The following LIN54 variants were observed in gnomAD, a reference collection of about 807,000 sequenced individuals.
LIN54 encodes lin-54 DREAM MuvB core complex component.
A neutral mutation model predicts 78.7 loss-of-function variants in LIN54; 9 were observed. The ratio of observed to expected loss-of-function variants is 0.11; its 90% confidence interval spans 0.07 to 0.20. LIN54 has a LOEUF of 0.20. LIN54 is among the 10% of genes least tolerant of loss of function. The pLI, the probability that LIN54 is intolerant of heterozygous loss-of-function variation, is 1.00. For synonymous variants in LIN54, 269 were observed against 318.4 expected, an observed-to-expected ratio of 0.84 and a Z score of 1.65; for missense variants, 573 against 889.9, an observed-to-expected ratio of 0.64 and a Z score of 4.53.
chr4:82,996,323 C>T (rs1363390400), intron 1 of LIN54, among the ~76,000 whole-genome samples: 1 of 152,028 alleles, frequency 6.6e-6, no homozygotes, highest in Admixed American at 6.6e-5. Context: ...TTTAGTTCAC[C>T]TCATCTGTAG....
At chr4:82,985,014 C>T (rs13146746) in intron 1 of LIN54, 138 bp from the exon 2 acceptor site, 120,972 of 623,346 alleles carry the variant, frequency 0.19, 12,559 homozygotes, top group South Asian at 0.31. Flanking sequence ...TGAAGCTTAT[C>T]TGGGTTAAAT....
chr4:82,993,777 C>T lies in LIN54; in HGVS notation c.-32-8901G>A, dbSNP rs1727954545. ...GGATTAGAGGCGCATGCCACCATGC[C>T]GGCTACTTTTGTATTTTTAGCAGAG... is the stretch of plus-strand genomic sequence containing the variant. On this transcript the variant is annotated intron_variant, in intron 1 of 12. Coordinates refer to ENST00000340417, the MANE Select transcript of LIN54 (RefSeq NM_194282.4). Among the ~76,000 whole-genome samples, 5 of 151,952 alleles carry T rather than the reference C, an allele frequency of 3.3e-5. No homozygotes were observed. In the South Asian group the frequency reaches 1.0e-3, roughly 32 times the overall value.
intron 4 of LIN54, among the ~76,000 whole-genome samples, chr4:82,951,640 G>A (rs1016734606): frequency 6.6e-6 from 1 of 151,988 alleles, no homozygotes; most frequent in South Asian, 2.1e-4. Flanking sequence ...CAAATCAATG[G>A]AGAATGATAA....
intron 3 of LIN54, among the ~76,000 whole-genome samples, chr4:82,978,399 C>G (rs906696189): frequency 3.9e-5 from 6 of 152,156 alleles, no homozygotes; most frequent in Admixed American, 3.9e-4. Context: ...ATACTATACT[C>G]TTGTGAATAT....
chr4:82,947,365 T>C (rs1396967044), intron 4 of LIN54, among the ~76,000 whole-genome samples: 1 of 147,518 alleles, frequency 6.8e-6, no homozygotes, highest in African/African-American at 2.5e-5. Flanking sequence ...CCTGAGCACG[T>C]AGGACCACAG....
At chr4:83,004,474 T>G (rs908447112) in intron 1 of LIN54, among the ~76,000 whole-genome samples, 2 of 145,062 alleles carry the variant, frequency 1.4e-5, no homozygotes, top group Non-Finnish European at 3.2e-5. Context: ...CCTAGTATAT[T>G]CACTATGGAA....
At chr4:82,998,398 C>T (rs974882994) in intron 1 of LIN54, among the ~76,000 whole-genome samples, 1 of 151,960 alleles carries the variant, frequency 6.6e-6, no homozygotes, top group Non-Finnish European at 1.5e-5. Context: ...CAAAAATTAG[C>T]CGGGCATGGT....
intron 1 of LIN54, among the ~76,000 whole-genome samples, chr4:82,985,700 C>T (rs1247264639): frequency 6.6e-6 from 1 of 152,200 alleles, no homozygotes; most frequent in Non-Finnish European, 1.5e-5. Flanking sequence ...GCCACCAAGC[C>T]GGGCTAATTT....
At chr4:82,940,788 G>C (rs187804907) in intron 5 of LIN54, among the ~76,000 whole-genome samples, 4 of 152,228 alleles carry the variant, frequency 2.6e-5, no homozygotes, top group African/African-American at 9.6e-5. Flanking sequence ...TAAGACCCAG[G>C]GCATTTAAAT....
chr4:82,981,751 C>A (rs560069499), intron 2 of LIN54, among the ~76,000 whole-genome samples: 2 of 151,878 alleles, frequency 1.3e-5, no homozygotes, highest in Admixed American at 1.3e-4. Flanking sequence ...TAACAATAGC[C>A]CAGGTGCAGT....
intron 4 of LIN54, among the ~76,000 whole-genome samples, chr4:82,959,018 AAAAAT>A (rs536801528): frequency 2.5e-3 from 386 of 151,772 alleles, no homozygotes; most frequent in Non-Finnish European, 3.0e-3. Flanking sequence ...ATATGTTTTT[AAAAAT>A]AAAATAAACC....
chr4:82,957,723 A>T (rs2126057833), intron 4 of LIN54, among the ~76,000 whole-genome samples: 1 of 152,302 alleles, frequency 6.6e-6, no homozygotes, highest in Non-Finnish European at 1.5e-5. Flanking sequence ...GTAGGATCTC[A>T]TGACATAATT....
At chr4:82,939,206 C>T (rs1412700601) in intron 7 of LIN54, among the ~76,000 whole-genome samples, 1 of 152,144 alleles carries the variant, frequency 6.6e-6, no homozygotes, top group Admixed American at 6.5e-5. Context: ...TGAGGAAGAG[C>T]TTTATAACAG....
At chr4:82,947,249 T>TTTTTTTTTTTTA (rs1560733614) in intron 4 of LIN54, among the ~76,000 whole-genome samples, 1 of 138,808 alleles carries the variant, frequency 7.2e-6, no homozygotes, top group Non-Finnish European at 1.5e-5. Context: ...TTTTTTTTTT[T>TTTTTTTTTTTTA]GAAGACAGGG....
chr4:82,954,321 G>A (rs1724102929), intron 4 of LIN54, among the ~76,000 whole-genome samples: 1 of 151,836 alleles, frequency 6.6e-6, no homozygotes, highest in Non-Finnish European at 1.5e-5. Context: ...AAAAGACAAT[G>A]CAATAGGCAT....
intron 4 of LIN54, among the ~76,000 whole-genome samples, chr4:82,958,035 G>C (rs951456125): frequency 1.3e-5 from 2 of 152,062 alleles, no homozygotes; most frequent in Admixed American, 6.6e-5. Flanking sequence ...TGTTTTACTT[G>C]CATTCTATTT....
intron 4 of LIN54, among the ~76,000 whole-genome samples, chr4:82,952,188 AC>A (rs1405735749): frequency 6.6e-6 from 1 of 152,222 alleles, no homozygotes; most frequent in African/African-American, 2.4e-5. Context: ...TAAAAAGGCA[AC>A]CCATAGAATG....
chr4:83,004,374 G>T (rs370864610), intron 1 of LIN54, among the ~76,000 whole-genome samples: 20 of 144,282 alleles, frequency 1.4e-4, no homozygotes, highest in African/African-American at 4.9e-4. Flanking sequence ...ACTCCAGCCT[G>T]GGTGACAGAG....
At chr4:83,010,028 A>T (rs558644899) in intron 1 of LIN54, among the ~76,000 whole-genome samples, 50 of 152,230 alleles carry the variant, frequency 3.3e-4, no homozygotes, top group East Asian at 1.7e-3. Flanking sequence ...AGCATTAAAA[A>T]TTTTTTTTCT....
Sources: gnomAD v4.1 joint callset for allele counts (sites outside exome capture counted in the v4.1 genomes callset) on GRCh38, gnomAD v4.1.1 for gene constraint, MANE v1.5 for transcripts, NCBI Gene and HGNC (gene_info 2026-07-23, HGNC 2026-07-21) for gene names.